The following NDRG1 variants were observed in gnomAD, a reference collection of about 807,000 sequenced individuals.
The protein encoded by NDRG1 is protein NDRG1.
In NDRG1, 32 loss-of-function variants were observed where a neutral mutation model predicts 56.9. That is an observed-to-expected ratio of 0.56 (90% confidence interval 0.42 to 0.76). The LOEUF (loss-of-function observed/expected upper bound fraction) is 0.76, where lower values mean the gene tolerates loss of function less well. Among genes scored for constraint, NDRG1 ranks in the 30% least tolerant of loss-of-function variants. The pLI, the probability that NDRG1 is intolerant of heterozygous loss-of-function variation, is 0.00. For missense variants in NDRG1, 507 were observed against 545.7 expected (o/e 0.93, Z 0.71); for synonymous variants, 211 against 204.1 (o/e 1.03, Z -0.29).
At chr8:133,290,191 G>A (rs76576624) in intron 1 of NDRG1, among the ~76,000 whole-genome samples, 17 of 152,138 alleles carry the variant, frequency 1.1e-4, no homozygotes, top group Admixed American at 2.6e-4. Flanking sequence ...CCTGGGCCCC[G>A]CCACAACTCC....
chr8:133,262,507 T>TG (rs1465312485), intron 4 of NDRG1, among the ~76,000 whole-genome samples: 1 of 152,130 alleles, frequency 6.6e-6, no homozygotes, highest in Non-Finnish European at 1.5e-5. Context: ...TTTGCCCTCC[T>TG]GATCCTCTCT....
chr8:133,248,278 G>A (rs546842549), intron 11 of NDRG1, among the ~76,000 whole-genome samples: 4 of 152,246 alleles, frequency 2.6e-5, no homozygotes, highest in South Asian at 2.1e-4. Flanking sequence ...GTCACACAAC[G>A]CGGTGCACTC....
chr8:133,250,745 G>C (rs1430515124), intron 9 of NDRG1, among the ~76,000 whole-genome samples: 2 of 151,916 alleles, frequency 1.3e-5, no homozygotes, highest in Admixed American at 6.6e-5. Context: ...CTATCCGCTG[G>C]GAGCAGAAAA....
chr8:133,259,326 C>A (rs1420165942), intron 5 of NDRG1, 96 bp from the exon 6 acceptor site: 1 of 1,271,050 alleles, frequency 7.9e-7, no homozygotes, highest in East Asian at 2.3e-5. Flanking sequence ...ATGCAGCAGC[C>A]TGCCCCATGC....
chr8:133,260,511 G>T (rs1856609232), intron 5 of NDRG1, among the ~76,000 whole-genome samples: 3 of 152,190 alleles, frequency 2.0e-5, no homozygotes. Context: ...ATTCCTGGGG[G>T]TGGGGCTCAG....
chr8:133,284,383 A>T, intron 1 of NDRG1, 54 bp from the exon 2 acceptor site: 1 of 1,567,332 alleles, frequency 6.4e-7, no homozygotes, highest in Non-Finnish European at 8.8e-7. Flanking sequence ...AGGTTTCCTA[A>T]AGGAAGCAAA....
intron 9 of NDRG1, among the ~76,000 whole-genome samples, chr8:133,251,770 G>A (rs1178476791): frequency 6.6e-6 from 1 of 152,184 alleles, no homozygotes; most frequent in East Asian, 1.9e-4. Flanking sequence ...AACTTGCTGG[G>A]AAAAAGGGTT....
intron 3 of NDRG1, among the ~76,000 whole-genome samples, chr8:133,266,804 T>C (rs1338746061): frequency 6.6e-6 from 1 of 152,142 alleles, no homozygotes; most frequent in Non-Finnish European, 1.5e-5. Context: ...GCAGTGGAAA[T>C]GGCCCCGGGG....
At chr8:133,244,307 C>G in intron 14 of NDRG1, 48 bp downstream of exon 14, 1 of 1,611,588 alleles carries the variant, frequency 6.2e-7, no homozygotes, top group Non-Finnish European at 8.5e-7. Flanking sequence ...GCACTCCACC[C>G]AGGGGGAAGC....
chr8:133,250,317 G>C, intron 10 of NDRG1, 123 bp downstream of exon 10: 2 of 918,616 alleles, frequency 2.2e-6, no homozygotes, highest in South Asian at 1.3e-5. Flanking sequence ...TAATCTATTT[G>C]CTCAAACTCA....
intron 1 of NDRG1, among the ~76,000 whole-genome samples, chr8:133,286,926 G>A (rs1858150443): frequency 6.6e-6 from 1 of 152,080 alleles, no homozygotes; most frequent in African/African-American, 2.4e-5. Context: ...TACTAAGGCC[G>A]CATGAACCAA....
At chr8:133,294,690 T>C (rs1858642289) in intron 1 of NDRG1, among the ~76,000 whole-genome samples, 1 of 151,472 alleles carries the variant, frequency 6.6e-6, no homozygotes, top group South Asian at 2.1e-4. Context: ...GGCAGCCCCA[T>C]TCAGTCAAAG....
At chr8:133,278,701 T>C (rs780467923) in intron 3 of NDRG1, among the ~76,000 whole-genome samples, 28 of 152,114 alleles carry the variant, frequency 1.8e-4, no homozygotes, top group Non-Finnish European at 3.4e-4. Flanking sequence ...CATGAGATAT[T>C]GGCTGGCAAG....
rs549284771 is a variant in NDRG1, at chr8:133,296,942, C to T, written c.-19+192G>A. The T allele has an allele frequency of 4.1e-4, 77 of 188,904 alleles. 1 individual carries two copies. Among genetic ancestry groups the T allele is most frequent in the Non-Finnish European group, 7.0e-4 (62 of 88,590 alleles). The allele number at this position is 188,904 out of a possible 1,614,324, so 11.7% of individuals were successfully genotyped here. A position where few individuals can be genotyped will look rare whatever the true frequency, so the allele number is the denominator to read the frequency against. Reference sequence around the variant, plus strand: ...TCCTCCCTTTCCGTAATTGAACCCCCCACTTCAGCGGTGTCTGCACCCAAA... The same window carrying T: ...TCCTCCCTTTCCGTAATTGAACCCCTCACTTCAGCGGTGTCTGCACCCAAA... On this transcript the variant is annotated intron_variant, in intron 1 of 15. Coordinates refer to ENST00000323851, the MANE Select transcript of NDRG1 (RefSeq NM_006096.4).
intron 3 of NDRG1, among the ~76,000 whole-genome samples, chr8:133,277,205 TAGA>T (rs1262265527): frequency 3.9e-5 from 6 of 151,976 alleles, no homozygotes; most frequent in African/African-American, 1.5e-4. Context: ...AGACAGAAAA[TAGA>T]AGGATGACTG....
intron 1 of NDRG1, among the ~76,000 whole-genome samples, chr8:133,295,849 C>G (rs529336633): frequency 6.6e-6 from 1 of 152,200 alleles, no homozygotes; most frequent in Admixed American, 6.5e-5. Flanking sequence ...TTAAAGAAAC[C>G]AAACAAACTG....
intron 1 of NDRG1, among the ~76,000 whole-genome samples, chr8:133,294,202 G>C (rs955684077): frequency 6.6e-6 from 1 of 152,212 alleles, no homozygotes; most frequent in Non-Finnish European, 1.5e-5. Context: ...CAAAGGCTCT[G>C]AAGTCCAACT....
chr8:133,281,563 T>A (rs1014720345), intron 2 of NDRG1, among the ~76,000 whole-genome samples: 1 of 145,180 alleles, frequency 6.9e-6, no homozygotes, highest in African/African-American at 2.5e-5. Context: ...GACCCAGAGA[T>A]GGAGTCCCAA....
intron 3 of NDRG1, among the ~76,000 whole-genome samples, chr8:133,276,203 G>A (rs770260594): frequency 9.9e-5 from 15 of 152,162 alleles, no homozygotes; most frequent in African/African-American, 2.4e-5. Flanking sequence ...AAGGGGCAGC[G>A]CCTTAGCCGA....
Sources: gnomAD v4.1 joint callset for allele counts (sites outside exome capture counted in the v4.1 genomes callset) on GRCh38, gnomAD v4.1.1 for gene constraint, MANE v1.5 for transcripts, NCBI Gene and HGNC (gene_info 2026-07-23, HGNC 2026-07-21) for gene names.